Variants in PDE3A observed in about 807,000 individuals in gnomAD.
PDE3A encodes cGMP-inhibited 3',5'-cyclic phosphodiesterase 3A.
In PDE3A, 43 loss-of-function variants were observed where a neutral mutation model predicts 98.3. That is an observed-to-expected ratio of 0.44 (90% CI 0.34 to 0.56). PDE3A has a LOEUF of 0.56. PDE3A is among the 20% of genes least tolerant of loss of function. PDE3A has a pLI of 0.01. For missense variants in PDE3A, 1,427 were observed against 1,440.7 expected, an observed-to-expected ratio of 0.99 and a Z score of 0.15; for synonymous variants, 663 against 567.9, an observed-to-expected ratio of 1.17 and a Z score of -2.38.
chr12:20,504,020 G>A (rs1296183346), intron 1 of PDE3A, among the ~76,000 whole-genome samples: 1 of 152,062 alleles, frequency 6.6e-6, no homozygotes, highest in Non-Finnish European at 1.5e-5. Context: ...AGAATCTAAG[G>A]AGGACTTCAC....
At chr12:20,631,700 A>ATT (rs58133440) in intron 6 of PDE3A, among the ~76,000 whole-genome samples, 7,526 of 116,784 alleles carry the variant, frequency 0.064, 728 homozygotes, top group African/African-American at 0.21. Flanking sequence ...ATCATAGTGT[A>ATT]TTTTTTTTTT....
chr12:20,612,255 A>ATG (rs1797491213), intron 2 of PDE3A, among the ~76,000 whole-genome samples: 3 of 151,006 alleles, frequency 2.0e-5, no homozygotes, highest in Non-Finnish European at 1.5e-5. Flanking sequence ...GGCTTTATAT[A>ATG]TATATATTGG....
chr12:20,664,102 A>G (rs1014838413), intron 15 of PDE3A, among the ~76,000 whole-genome samples: 3 of 152,052 alleles, frequency 2.0e-5, no homozygotes, highest in Admixed American at 2.0e-4. Flanking sequence ...TCCTGCCACC[A>G]TGTGAATTAA....
rs933969949 is a variant in PDE3A at position 20,581,767 on chromosome 12, T to C, written c.1011+25057T>C. Among the ~76,000 whole-genome samples the C allele has an allele frequency of 1.5e-4, 22 of 151,550 alleles. No homozygotes were observed. The East Asian group carries it at 2.3e-3, about 16-fold the overall frequency. Reference sequence around the variant, plus strand: ...AGCTGGGACTACAGGCGCCCGCCACTACGCCCGGCTAATTTTTTGTATTTT... The same window carrying C: ...AGCTGGGACTACAGGCGCCCGCCACCACGCCCGGCTAATTTTTTGTATTTT... On this transcript the variant is annotated intron_variant, in intron 2 of 15. Coordinates refer to ENST00000359062, the MANE Select transcript of PDE3A (RefSeq NM_000921.5).
chr12:20,598,506 G>A (rs1439171129), intron 2 of PDE3A, among the ~76,000 whole-genome samples: 3 of 152,098 alleles, frequency 2.0e-5, no homozygotes, highest in Admixed American at 6.6e-5. Context: ...ACATTTATGA[G>A]GTGTTTAATG....
At chr12:20,435,534 AT>A in intron 1 of PDE3A, among the ~76,000 whole-genome samples, 1 of 152,128 alleles carries the variant, frequency 6.6e-6, no homozygotes, top group Non-Finnish European at 1.5e-5. Flanking sequence ...AGGTAGGAAG[AT>A]TGGTGATAGG....
At chr12:20,612,018 ATATG>A (rs1258261807) in intron 2 of PDE3A, among the ~76,000 whole-genome samples, 1 of 151,848 alleles carries the variant, frequency 6.6e-6, no homozygotes, top group Non-Finnish European at 1.5e-5. Context: ...TTTCGACCAG[ATATG>A]TATGTTGTTT....
At chr12:20,400,543 A>G (rs1420116552) in intron 1 of PDE3A, among the ~76,000 whole-genome samples, 5 of 151,518 alleles carry the variant, frequency 3.3e-5, no homozygotes, top group Admixed American at 3.3e-4. Flanking sequence ...GGTAGCTGGG[A>G]CTACAGGCGC....
intron 10 of PDE3A, among the ~76,000 whole-genome samples, chr12:20,643,795 A>C (rs1437800976): frequency 6.6e-6 from 1 of 152,096 alleles, no homozygotes; most frequent in African/African-American, 2.4e-5. Flanking sequence ...ACTTAGGATT[A>C]ATTGCTTGTT....
intron 1 of PDE3A, among the ~76,000 whole-genome samples, chr12:20,511,486 G>A (rs1946222603): frequency 6.6e-6 from 1 of 151,576 alleles, no homozygotes. Flanking sequence ...GGACACAGGA[G>A]CCAACTGAAA....
intron 5 of PDE3A, among the ~76,000 whole-genome samples, chr12:20,624,697 T>C (rs1944217204): frequency 6.6e-6 from 1 of 152,182 alleles, no homozygotes; most frequent in South Asian, 2.1e-4. Flanking sequence ...ATCCAACTAA[T>C]TAAATTCCTA....
intron 15 of PDE3A, among the ~76,000 whole-genome samples, chr12:20,673,622 T>G (rs554131437): frequency 1.3e-5 from 2 of 149,446 alleles, no homozygotes; most frequent in South Asian, 4.3e-4. Context: ...AGACCGCATA[T>G]TCTCACTCAT....
At chr12:20,619,338 G>GA (rs144625844) in intron 4 of PDE3A, among the ~76,000 whole-genome samples, 5,385 of 151,680 alleles carry the variant, frequency 0.036, 317 homozygotes, top group African/African-American at 0.12. Flanking sequence ...GTTTTTATTT[G>GA]AAAAAAATAG....
chr12:20,492,265 T>A (rs1477787437), intron 1 of PDE3A, among the ~76,000 whole-genome samples: 1 of 152,110 alleles, frequency 6.6e-6, no homozygotes, highest in Admixed American at 6.5e-5. Context: ...ATTACAAGTG[T>A]GAGCCACTGC....
At chr12:20,588,560 A>T (rs1184765484) in intron 2 of PDE3A, among the ~76,000 whole-genome samples, 1 of 152,198 alleles carries the variant, frequency 6.6e-6, no homozygotes, top group Non-Finnish European at 1.5e-5. Context: ...TGGGCTACAG[A>T]ACAAAAATGC....
intron 1 of PDE3A, among the ~76,000 whole-genome samples, chr12:20,437,439 T>C (rs61912868): frequency 0.068 from 10,400 of 152,072 alleles, 496 homozygotes; most frequent in Non-Finnish European, 0.098. Context: ...TGAGGCTGGG[T>C]AAATTATAAA....
intron 1 of PDE3A, among the ~76,000 whole-genome samples, chr12:20,381,464 C>G (rs556373146): frequency 6.6e-6 from 1 of 151,704 alleles, no homozygotes; most frequent in Non-Finnish European, 1.5e-5. Context: ...AAAACTAGAA[C>G]GCTTTATGAT....
At chr12:20,455,119 C>T (rs1359648350) in intron 1 of PDE3A, among the ~76,000 whole-genome samples, 1 of 152,194 alleles carries the variant, frequency 6.6e-6, no homozygotes, top group East Asian at 1.9e-4. Context: ...GCCTCACCAG[C>T]ATCTGTTACT....
chr12:20,512,960 G>A (rs920931121), intron 1 of PDE3A, among the ~76,000 whole-genome samples: 7 of 151,984 alleles, frequency 4.6e-5, no homozygotes, highest in South Asian at 2.1e-4. Flanking sequence ...TCCATTCTTC[G>A]TACTCTGGGC....
Sources: allele counts gnomAD v4.1 joint callset (sites outside exome capture counted in the v4.1 genomes callset), GRCh38; gene constraint gnomAD v4.1.1; transcripts MANE v1.5; gene names NCBI Gene and HGNC (gene_info 2026-07-23, HGNC 2026-07-21).